Variants in BAZ1A observed in about 807,000 individuals in gnomAD.
The protein encoded by BAZ1A is bromodomain adjacent to zinc finger domain 1A.
BAZ1A carries 50 observed loss-of-function variants against 185.2 expected under a neutral mutation model. That is an observed-to-expected ratio of 0.27 (90% confidence interval 0.22 to 0.34). The LOEUF is 0.34. BAZ1A is among the 10% of genes least tolerant of loss of function. The probability of loss-of-function intolerance (pLI) is 1.00; values close to 1 mark genes in which losing one functional copy is unlikely to be tolerated. For synonymous variants in BAZ1A, 571 were observed against 615.6 expected, an observed-to-expected ratio of 0.93 and a Z score of 1.07; for missense variants, 1,356 against 1,839.9, an observed-to-expected ratio of 0.74 and a Z score of 4.81.
intron 3 of BAZ1A, among the ~76,000 whole-genome samples, chr14:34,855,079 AAATAAT>A (rs544647335): frequency 6.6e-6 from 1 of 151,886 alleles, no homozygotes; most frequent in South Asian, 2.1e-4. Flanking sequence ...ACTACGTCTC[AAATAAT>A]AATAATAATA....
At chr14:34,822,626 C>T (rs2042105044) in intron 4 of BAZ1A, among the ~76,000 whole-genome samples, 3 of 151,834 alleles carry the variant, frequency 2.0e-5, no homozygotes, top group Admixed American at 2.0e-4. Flanking sequence ...AAAACAGAAA[C>T]AAAAAACAAA....
chr14:34,779,515 A>T (rs1879900988), intron 17 of BAZ1A, among the ~76,000 whole-genome samples: 1 of 152,142 alleles, frequency 6.6e-6, no homozygotes. Context: ...ATGATACAGG[A>T]AATTTTCTAT....
chr14:34,826,369 T>C (rs2042165602), intron 3 of BAZ1A, among the ~76,000 whole-genome samples: 1 of 152,230 alleles, frequency 6.6e-6, no homozygotes. Flanking sequence ...ACTCAATTTA[T>C]CAAGATTATA....
At chr14:34,840,754 C>T (rs2042400412) in intron 3 of BAZ1A, among the ~76,000 whole-genome samples, 1 of 143,138 alleles carries the variant, frequency 7.0e-6, no homozygotes, top group Admixed American at 7.0e-5. Context: ...GAGACTCTGT[C>T]TCCCCCCCAA....
Position 34,783,754 on chromosome 14 carries a change from T to A in BAZ1A, c.1997+8A>T. 6.2e-7 allele frequency: 1 copy of A among 1,602,248 alleles called. No individual in the cohort carries two copies. On this transcript the variant is annotated splice_region_variant and intron_variant, in intron 15 of 26. Transcript: ENST00000360310. Reference sequence around the variant, plus strand: ...TTCATTAACACAACTATTACAATTATCTCTTACCTGGCAGCTGCTTCTTCC... The same window carrying A: ...TTCATTAACACAACTATTACAATTAACTCTTACCTGGCAGCTGCTTCTTCC...
intron 3 of BAZ1A, among the ~76,000 whole-genome samples, chr14:34,843,849 A>G (rs946346991): frequency 6.6e-6 from 1 of 152,058 alleles, no homozygotes; most frequent in Non-Finnish European, 1.5e-5. Context: ...TTTCCTTTGT[A>G]CCAGGAGACA....
chr14:34,786,357 G>A, intron 12 of BAZ1A, 136 bp from the exon 13 acceptor site: 1 of 703,600 alleles, frequency 1.4e-6, no homozygotes, highest in Non-Finnish European at 2.3e-6. Flanking sequence ...CTAGGTACAA[G>A]CAATATTCAC....
intron 9 of BAZ1A, among the ~76,000 whole-genome samples, chr14:34,799,111 A>G (rs1881363886): frequency 6.6e-6 from 1 of 151,760 alleles, no homozygotes; most frequent in Non-Finnish European, 1.5e-5. Context: ...GGAAACCATC[A>G]TTCTCAGCAA....
chr14:34,860,875 G>T (rs1249087432), intron 3 of BAZ1A, among the ~76,000 whole-genome samples: 2 of 151,870 alleles, frequency 1.3e-5, no homozygotes, highest in Non-Finnish European at 2.9e-5. Context: ...TCCAGCCTGG[G>T]CAACAAGAGC....
chr14:34,770,020 A>G (rs1879105853), intron 21 of BAZ1A, among the ~76,000 whole-genome samples: 1 of 152,238 alleles, frequency 6.6e-6, no homozygotes, highest in Admixed American at 6.5e-5. Context: ...TCAATTTACA[A>G]CAGTGTGAAT....
intron 3 of BAZ1A, among the ~76,000 whole-genome samples, chr14:34,858,128 T>C (rs1465471930): frequency 3.3e-5 from 5 of 152,106 alleles, no homozygotes; most frequent in Admixed American, 1.3e-4. Context: ...AAAGAAAATA[T>C]GTTAATAGTG....
intron 23 of BAZ1A, among the ~76,000 whole-genome samples, chr14:34,762,728 C>G (rs1886577555): frequency 6.6e-6 from 1 of 152,124 alleles, no homozygotes; most frequent in African/African-American, 2.4e-5. Context: ...CCTCGGCCTC[C>G]CAAAGTGCTG....
intron 2 of BAZ1A, among the ~76,000 whole-genome samples, chr14:34,867,518 A>T (rs1338458242): frequency 1.3e-5 from 2 of 152,200 alleles, no homozygotes; most frequent in Non-Finnish European, 2.9e-5. Flanking sequence ...ACTGCCTAAA[A>T]ATACCAAGAA....
chr14:34,787,351 C>CAAAAAAAA (rs918534072), intron 12 of BAZ1A, among the ~76,000 whole-genome samples: 1 of 41,484 alleles, frequency 2.4e-5, no homozygotes, highest in African/African-American at 7.4e-5. Context: ...GACTCTGTCT[C>CAAAAAAAA]AAAAAAAAAA....
intron 2 of BAZ1A, among the ~76,000 whole-genome samples, chr14:34,873,743 C>A (rs2042991226): frequency 1.3e-5 from 2 of 149,112 alleles, no homozygotes; most frequent in South Asian, 4.3e-4. Flanking sequence ...CCTCACTGAT[C>A]TCCCGGGGGC....
chr14:34,761,754 T>C lies in BAZ1A; in HGVS notation c.4243+3A>G. ...GGAAGGAAGAGTTTAGATTTCTTCA[T>C]ACCTGGAGATTGTCTTTTTCTGCAT... On this transcript the variant is annotated splice_donor_region_variant and intron_variant, in intron 24 of 26. Coordinates refer to ENST00000360310, the MANE Select transcript of BAZ1A (RefSeq NM_013448.3). The C allele has an allele frequency of 6.2e-7, 1 of 1,605,648 alleles. No homozygotes were observed. Among genetic ancestry groups the C allele is most frequent in the South Asian group, 1.1e-5 (1 of 90,544 alleles).
chr14:34,757,365 CAAAAA>C (rs760606242), intron 25 of BAZ1A, among the ~76,000 whole-genome samples: 2 of 108,822 alleles, frequency 1.8e-5, no homozygotes. Flanking sequence ...GACTCCATCT[CAAAAA>C]AAAAAAAAAA....
chr14:34,784,666 C>T (rs1262304834), intron 14 of BAZ1A, among the ~76,000 whole-genome samples: 4 of 151,292 alleles, frequency 2.6e-5, no homozygotes, highest in African/African-American at 7.3e-5. Context: ...TACAGGCGCC[C>T]GCCACCACGC....
intron 3 of BAZ1A, among the ~76,000 whole-genome samples, chr14:34,833,071 C>A (rs767170160): frequency 6.6e-6 from 1 of 151,930 alleles, no homozygotes; most frequent in Non-Finnish European, 1.5e-5. Context: ...ACCCCCAACT[C>A]TACAAAACAA....
Sources: gnomAD v4.1 joint callset for allele counts (sites outside exome capture counted in the v4.1 genomes callset) on GRCh38, gnomAD v4.1.1 for gene constraint, MANE v1.5 for transcripts, NCBI Gene and HGNC (gene_info 2026-07-23, HGNC 2026-07-21) for gene names.